Variants in PRRX1 observed in about 807,000 individuals in gnomAD.
The protein encoded by PRRX1 is paired related homeobox 1.
A neutral mutation model predicts 24.0 loss-of-function variants in PRRX1; 8 were observed. The ratio of observed to expected loss-of-function variants is 0.33; its 90% CI spans 0.20 to 0.60. The LOEUF (loss-of-function observed/expected upper bound fraction) is 0.60. PRRX1 is among the 20% of genes least tolerant of loss of function. The probability of loss-of-function intolerance (pLI) is 0.82; values close to 1 mark genes in which losing one functional copy is unlikely to be tolerated. For missense variants in PRRX1, 281 were observed against 322.4 expected (o/e 0.87, Z 0.98); for synonymous variants, 160 against 131.7 (o/e 1.22, Z -1.47).
intron 1 of PRRX1, among the ~76,000 whole-genome samples, chr1:170,708,443 G>A (rs1193797743): frequency 2.0e-5 from 3 of 152,106 alleles, no homozygotes; most frequent in Non-Finnish European, 4.4e-5. Flanking sequence ...AGGCCGTAAT[G>A]TTCCTGTATA....
chr1:170,700,895 C>A (rs1654332037), intron 1 of PRRX1, among the ~76,000 whole-genome samples: 1 of 152,154 alleles, frequency 6.6e-6, no homozygotes. Flanking sequence ...TGGGCTGAGA[C>A]AACATAGGGA....
At chr1:170,717,602 A>AT (rs1654947114) in intron 1 of PRRX1, among the ~76,000 whole-genome samples, 1 of 150,868 alleles carries the variant, frequency 6.6e-6, no homozygotes, top group Non-Finnish European at 1.5e-5. Context: ...GAAGCTAAGG[A>AT]TTTTTCTTTT....
chr1:170,732,854 T>G (rs1279274470), intron 3 of PRRX1, among the ~76,000 whole-genome samples: 1 of 152,160 alleles, frequency 6.6e-6, no homozygotes, highest in African/African-American at 2.4e-5. Context: ...AAACAACTAC[T>G]TGTTAATCCA....
At chr1:170,698,735 C>T (rs1325925700) in intron 1 of PRRX1, among the ~76,000 whole-genome samples, 4 of 152,098 alleles carry the variant, frequency 2.6e-5, no homozygotes, top group South Asian at 4.1e-4. Context: ...TAAGAAATGA[C>T]GGTGGCACAA....
chr1:170,684,339 AG>A (rs1431379271), intron 1 of PRRX1, among the ~76,000 whole-genome samples: 2 of 152,254 alleles, frequency 1.3e-5, no homozygotes, highest in Non-Finnish European at 2.9e-5. Flanking sequence ...AGTTTCTTAC[AG>A]ATGGAACTTT....
At chr1:170,725,852 A>G (rs1054292130) in intron 2 of PRRX1, among the ~76,000 whole-genome samples, 2 of 152,226 alleles carry the variant, frequency 1.3e-5, no homozygotes, top group African/African-American at 4.8e-5. Context: ...AGCTTTTAGA[A>G]AAGTCATTAT....
At chr1:170,698,814 G>A (rs1015646080) in intron 1 of PRRX1, among the ~76,000 whole-genome samples, 1 of 152,172 alleles carries the variant, frequency 6.6e-6, no homozygotes, top group Non-Finnish European at 1.5e-5. Context: ...AGGGAGACGA[G>A]GGCTGGAGAT....
chr1:170,705,127 T>A (rs1284593382), intron 1 of PRRX1, among the ~76,000 whole-genome samples: 1 of 152,246 alleles, frequency 6.6e-6, no homozygotes, highest in South Asian at 2.1e-4. Flanking sequence ...TCTTTTTTTT[T>A]GTCACCACTT....
Position 170,738,054 on chromosome 1 carries a change from A to G in PRRX1, c.*1868A>G. On this transcript the variant is annotated 3_prime_UTR_variant, in exon 4 of 4. Coordinates refer to ENST00000239461, the MANE Select transcript of PRRX1 (RefSeq NM_022716.4). ...TATATTTTCAGATCTCTCAAAAATC[A>G]CATCATTTGACCAAAGAATAATTTA... 4.6e-6 allele frequency: 1 copy of G among 217,228 alleles called. No homozygotes were observed. The allele number at this position is 217,228 out of a possible 1,614,324, so 13.5% of individuals were successfully genotyped here. A position where few individuals can be genotyped will look rare whatever the true frequency, so the allele number is the denominator to read the frequency against.
intron 3 of PRRX1, among the ~76,000 whole-genome samples, chr1:170,729,883 G>A (rs143324692): frequency 6.6e-6 from 1 of 152,330 alleles, no homozygotes; most frequent in East Asian, 1.9e-4. Context: ...ACTTGTAAGA[G>A]TGAAAGCACA....
At chr1:170,697,928 C>T (rs931274898) in intron 1 of PRRX1, among the ~76,000 whole-genome samples, 4 of 150,470 alleles carry the variant, frequency 2.7e-5, no homozygotes, top group African/African-American at 9.7e-5. Context: ...TATTAAAAGG[C>T]CTTTATATAA....
At chr1:170,683,455 T>TAGTCTCATCTTTTCTC (rs148838048) in intron 1 of PRRX1, among the ~76,000 whole-genome samples, 19 of 152,284 alleles carry the variant, frequency 1.2e-4, no homozygotes, top group African/African-American at 3.9e-4. Flanking sequence ...TCATCTTTCT[T>TAGTCTCATCTTTTCTC]AGTCTCATCT....
intron 1 of PRRX1, among the ~76,000 whole-genome samples, chr1:170,697,115 G>C (rs1654196083): frequency 6.6e-6 from 1 of 152,068 alleles, no homozygotes; most frequent in Non-Finnish European, 1.5e-5. Flanking sequence ...ACATTAACTG[G>C]AAAAGATATG....
chr1:170,730,540 G>C, intron 3 of PRRX1: 5 of 573,106 alleles, frequency 8.7e-6, no homozygotes, highest in Non-Finnish European at 1.6e-5. Context: ...TACTAATCTA[G>C]AGCAGGGCTC....
rs1213848347 is a variant in PRRX1 at position 170,664,307 on chromosome 1, C to A, written c.89C>A (p.Ala30Glu). 3.1e-6 allele frequency: 5 copies of A among 1,613,564 alleles called. No homozygotes were observed. In the South Asian group the frequency reaches 4.4e-5, roughly 14 times the overall value. Residue 30 changes from alanine to glutamate, a missense_variant, in exon 1 of 4, where the codon GCG becomes GAG. By Grantham distance (107) the Ala-to-Glu change is moderately radical. Transcript: ENST00000239461. Reference sequence around the variant, plus strand: ...CCGGGCAACCTCGACACCCTGCAGGCGAAAAAGAACTTCTCCGTCAGTCAC... The same window carrying A: ...CCGGGCAACCTCGACACCCTGCAGGAGAAAAAGAACTTCTCCGTCAGTCAC... ...DSPGNLDTLQAKKNFSVSHLL... is the reference protein window; with the variant it reads ...DSPGNLDTLQEKKNFSVSHLL...
intron 1 of PRRX1, among the ~76,000 whole-genome samples, chr1:170,719,055 G>C (rs540518509): frequency 6.6e-6 from 1 of 152,268 alleles, no homozygotes; most frequent in South Asian, 2.1e-4. Context: ...CTCAGGGAGT[G>C]AGCCCCAGGC....
At chr1:170,706,788 A>G (rs1463905226) in intron 1 of PRRX1, among the ~76,000 whole-genome samples, 1 of 152,136 alleles carries the variant, frequency 6.6e-6, no homozygotes, top group Non-Finnish European at 1.5e-5. Context: ...ATGGCCAGAA[A>G]AGCTTAGTGC....
At chr1:170,715,442 T>TA (rs1654876537) in intron 1 of PRRX1, among the ~76,000 whole-genome samples, 1 of 152,178 alleles carries the variant, frequency 6.6e-6, no homozygotes, top group Non-Finnish European at 1.5e-5. Context: ...CCATAATTTT[T>TA]AAAAAGTATT....
chr1:170,709,794 A>G (rs1023945077), intron 1 of PRRX1, among the ~76,000 whole-genome samples: 2 of 152,190 alleles, frequency 1.3e-5, no homozygotes, highest in African/African-American at 4.8e-5. Flanking sequence ...GAATGTAACC[A>G]TTGTTAGTGG....
Sources: allele counts gnomAD v4.1 joint callset (sites outside exome capture counted in the v4.1 genomes callset), GRCh38; gene constraint gnomAD v4.1.1; transcripts MANE v1.5; gene names NCBI Gene and HGNC (gene_info 2026-07-23, HGNC 2026-07-21).